Variants in ACAA2 observed in about 807,000 individuals in gnomAD.
ACAA2 encodes the protein acetyl-CoA acyltransferase 2.
A neutral mutation model predicts 44.8 loss-of-function variants in ACAA2; 35 were observed. The observed-to-expected ratio is 0.78, with a 90% CI of 0.60 to 1.04. The LOEUF is 1.04. ACAA2 is among the 50% of genes least tolerant of loss of function. The probability of loss-of-function intolerance (pLI) is 0.00; values close to 1 mark genes in which losing one functional copy is unlikely to be tolerated. For missense variants in ACAA2, 468 were observed against 482.6 expected, an observed-to-expected ratio of 0.97 and a Z score of 0.28; for synonymous variants, 142 against 166.5, an observed-to-expected ratio of 0.85 and a Z score of 1.13.
intron 1 of ACAA2, 51 bp from the exon 2 acceptor site, chr18:49,802,904 C>T (rs746879252): frequency 4.5e-5 from 71 of 1,576,690 alleles, no homozygotes; most frequent in Non-Finnish European, 6.0e-5. Context: ...GTAAATACCT[C>T]TAAATGCTTC....
chr18:49,783,691 T>G lies in ACAA2; in HGVS notation c.*156A>C. ...TTCTAGCATGGGCTCCTATTCATGATCAATGCATTTTTGTGTCACCATGGC... is the reference window on the plus strand; with the variant it reads ...TTCTAGCATGGGCTCCTATTCATGAGCAATGCATTTTTGTGTCACCATGGC... On this transcript the variant is annotated 3_prime_UTR_variant, in exon 10 of 10. Coordinates refer to ENST00000285093, the MANE Select transcript of ACAA2 (RefSeq NM_006111.3). 1.7e-6 allele frequency: 1 copy of G among 598,580 alleles called. No homozygotes were observed. The highest frequency in any genetic ancestry group is 3.1e-6 in the Non-Finnish European group (1 of 327,118). 37.1% of individuals were successfully genotyped at this position (598,580 alleles called of 1,614,324 possible).
intron 7 of ACAA2, among the ~76,000 whole-genome samples, chr18:49,789,669 G>C (rs1236498977): frequency 6.6e-6 from 1 of 152,134 alleles, no homozygotes; most frequent in East Asian, 1.9e-4. Context: ...AAGCATCTAG[G>C]TGTATGCAGG....
intron 1 of ACAA2, among the ~76,000 whole-genome samples, chr18:49,808,100 T>C (rs2023629123): frequency 6.6e-6 from 1 of 152,018 alleles, no homozygotes; most frequent in South Asian, 2.1e-4. Flanking sequence ...ATGCTCAACA[T>C]TGTATGTCAT....
chr18:49,784,853 GATTT>G lies in ACAA2; in HGVS notation c.1109+340_1109+343del, dbSNP rs369959141. ...CTCAGTACTTTTTTTTTCTAAAATA[GATTT>G]ATTTTACTCCTGTAACTGGCACTAA... On this transcript the variant is annotated intron_variant, in intron 9 of 9. Coordinates refer to ENST00000285093, the MANE Select transcript of ACAA2 (RefSeq NM_006111.3). 1.1e-3 allele frequency among the ~76,000 whole-genome samples: 171 copies of G among 151,862 alleles called. 1 individual carries two copies. The highest frequency in any genetic ancestry group is 4.1e-3 in the African/African-American group (168 of 41,392).
intron 1 of ACAA2, among the ~76,000 whole-genome samples, chr18:49,804,777 C>A (rs2023593802): frequency 6.6e-6 from 1 of 152,122 alleles, no homozygotes; most frequent in Non-Finnish European, 1.5e-5. Context: ...ATAAAAATCA[C>A]CCCTTCCCAA....
chr18:49,794,517 A>G (rs1397937166), intron 4 of ACAA2, 90 bp from the exon 5 acceptor site: 1 of 1,078,844 alleles, frequency 9.3e-7, no homozygotes, highest in East Asian at 3.1e-5. Flanking sequence ...AACACTTCCA[A>G]TAAACAAAAG....
intron 1 of ACAA2, among the ~76,000 whole-genome samples, chr18:49,808,819 G>C (rs945326091): frequency 6.6e-6 from 1 of 152,198 alleles, no homozygotes; most frequent in African/African-American, 2.4e-5. Flanking sequence ...CCTATGTTCA[G>C]CTGTGCACAT....
rs1166604641 is a variant in ACAA2 at position 49,783,641 on chromosome 18, C to T, written c.*206G>A. 3.9e-6 allele frequency: 2 copies of T among 507,918 alleles called. No individual in the cohort carries two copies. Among genetic ancestry groups the T allele is most frequent in the South Asian group, 3.3e-5 (1 of 30,664 alleles). 31.5% of individuals were successfully genotyped at this position (507,918 alleles called of 1,614,324 possible). On this transcript the variant is annotated 3_prime_UTR_variant, in exon 10 of 10. Transcript: ENST00000285093. ...TAGCTCAGAAATACATCATATTTCA[C>T]TGGTTCAAATCTGAGAGAATGTACT...
chr18:49,787,205 T>G, intron 8 of ACAA2, 86 bp downstream of exon 8: 33 of 1,079,470 alleles, frequency 3.1e-5, no homozygotes, highest in Non-Finnish European at 4.0e-5. Flanking sequence ...CAAAGAGCAA[T>G]GAGACCAAAT....
chr18:49,813,506 G>A lies in ACAA2; in HGVS notation c.-22C>T, dbSNP rs1439767493. The stretch of plus-strand genomic sequence containing the variant: ...CCATGGCGGCTGCTGGGTCGTCGGC[G>A]GCGCGGGTCTGTGGTGTGGGGGACG... On this transcript the variant is annotated 5_prime_UTR_variant, in exon 1 of 10. Transcript: ENST00000285093. 4.2e-5 allele frequency: 52 copies of A among 1,239,876 alleles called. No homozygotes were observed. Among genetic ancestry groups the A allele is most frequent in the Non-Finnish European group, 5.2e-5 (51 of 988,066 alleles). The allele number at this position is 1,239,876 out of a possible 1,614,324, so 76.8% of individuals were successfully genotyped here. A position where few individuals can be genotyped will look rare whatever the true frequency, so the allele number is the denominator to read the frequency against.
At chr18:49,811,429 T>C (rs1200543235) in intron 1 of ACAA2, 1 of 152,066 alleles carries the variant, frequency 6.6e-6, no homozygotes, top group Non-Finnish European at 1.5e-5. Flanking sequence ...CCAACAAAGC[T>C]AGGAGCAGTA....
chr18:49,804,910 C>T (rs2023595286), intron 1 of ACAA2, among the ~76,000 whole-genome samples: 2 of 152,152 alleles, frequency 1.3e-5, no homozygotes, highest in Admixed American at 1.3e-4. Context: ...CAGTAAGCAG[C>T]ATCAGTTATA....
At chr18:49,813,350 G>A (rs2023693510) in intron 1 of ACAA2, 119 bp downstream of exon 1, 1 of 780,620 alleles carries the variant, frequency 1.3e-6, no homozygotes, top group Non-Finnish European at 1.7e-6. Context: ...CCAAAACCGA[G>A]GAGGTTGAGT....
At chr18:49,803,099 C>T (rs950563136) in intron 1 of ACAA2, 2 of 522,810 alleles carry the variant, frequency 3.8e-6, no homozygotes, top group South Asian at 4.5e-5. Flanking sequence ...AGGAAGAAGA[C>T]CACCACTTCT....
chr18:49,797,196 AAAG>A (rs2143962434), intron 3 of ACAA2, among the ~76,000 whole-genome samples: 1 of 152,190 alleles, frequency 6.6e-6, no homozygotes, highest in East Asian at 1.9e-4. Context: ...TAGGTATCTC[AAAG>A]AAGTAGAAAC....
chr18:49,789,615 A>G (rs536342268), intron 7 of ACAA2, among the ~76,000 whole-genome samples: 1 of 152,354 alleles, frequency 6.6e-6, no homozygotes, highest in South Asian at 2.1e-4. Flanking sequence ...AAAAAGGAGT[A>G]TAAAATAGCC....
intron 1 of ACAA2, among the ~76,000 whole-genome samples, chr18:49,803,462 G>A (rs928041601): frequency 1.3e-5 from 2 of 152,020 alleles, no homozygotes; most frequent in Admixed American, 1.3e-4. Flanking sequence ...CCCTTAAAAG[G>A]GCCAAGAATT....
At chr18:49,791,397 C>G (rs529556) in intron 7 of ACAA2, 73 bp downstream of exon 7, 3 of 1,504,944 alleles carry the variant, frequency 2.0e-6, no homozygotes, top group Non-Finnish European at 1.8e-6. Context: ...GCCACTTTTT[C>G]AGGACTCTGA....
chr18:49,797,814 G>A (rs2023482739), intron 2 of ACAA2, among the ~76,000 whole-genome samples: 1 of 151,584 alleles, frequency 6.6e-6, no homozygotes, highest in Admixed American at 6.6e-5. Context: ...TTTTTTTATT[G>A]GGGCAAAATA....
Sources: gnomAD v4.1 joint callset for allele counts (sites outside exome capture counted in the v4.1 genomes callset) on GRCh38, gnomAD v4.1.1 for gene constraint, MANE v1.5 for transcripts, NCBI Gene and HGNC (gene_info 2026-07-23, HGNC 2026-07-21) for gene names.